The following EFHC2 variants were observed in gnomAD, a reference collection of about 807,000 sequenced individuals.
EFHC2 encodes the protein EF-hand domain containing 2.
Under a neutral mutation model 52.7 loss-of-function variants are expected in EFHC2, and 18 were observed. The ratio of observed to expected loss-of-function variants is 0.34; its 90% CI spans 0.24 to 0.51. The LOEUF is 0.51. EFHC2 is among the 20% of genes least tolerant of loss of function. The probability of loss-of-function intolerance (pLI) is 0.97; values close to 1 mark genes in which losing one functional copy is unlikely to be tolerated. For missense variants in EFHC2, 513 were observed against 562.5 expected (o/e 0.91, Z 0.89); for synonymous variants, 203 against 204.1 (o/e 0.99, Z 0.04).
At chrX:44,149,079 G>C (rs932547806) in intron 14 of EFHC2, among the ~76,000 whole-genome samples, 183 bp from the exon 15 acceptor site, 1 of 112,012 alleles carries the variant, frequency 8.9e-6, no homozygotes, top group Non-Finnish European at 1.9e-5. Context: ...AGAATTATGT[G>C]CCCACACTCT....
At chrX:44,259,646 TAAC>T (rs942869018) in intron 4 of EFHC2, among the ~76,000 whole-genome samples, 9 of 112,400 alleles carry the variant, frequency 8.0e-5, no homozygotes, top group Admixed American at 1.9e-4. Flanking sequence ...CACTATCATA[TAAC>T]AACAACTGTT....
intron 13 of EFHC2, among the ~76,000 whole-genome samples, chrX:44,168,432 T>C (rs1369625111): frequency 4.6e-5 from 5 of 109,292 alleles, no homozygotes; most frequent in Non-Finnish European, 7.6e-5. Flanking sequence ...CTCAGGAGGC[T>C]GAGGCAGGAG....
At chrX:44,160,553 AT>A in intron 14 of EFHC2, among the ~76,000 whole-genome samples, 1 of 111,894 alleles carries the variant, frequency 8.9e-6, no homozygotes, top group Non-Finnish European at 1.9e-5. Context: ...CATCAGGAAA[AT>A]AAAAATTAAA....
intron 2 of EFHC2, among the ~76,000 whole-genome samples, chrX:44,282,140 A>G (rs1353257399): frequency 9.0e-6 from 1 of 110,675 alleles, no homozygotes; most frequent in Non-Finnish European, 1.9e-5. Context: ...CATAGAAAAA[A>G]AAAGGTAGAA....
intron 2 of EFHC2, among the ~76,000 whole-genome samples, chrX:44,307,933 CAAAA>C (rs11305511): frequency 1.1e-5 from 1 of 92,681 alleles, no homozygotes; most frequent in Non-Finnish European, 2.1e-5. Flanking sequence ...GACTTTGTCT[CAAAA>C]AAAAAAAAAA....
chrX:44,183,772 A>G (rs969201249), intron 11 of EFHC2, among the ~76,000 whole-genome samples: 5 of 111,890 alleles, frequency 4.5e-5, no homozygotes, highest in Non-Finnish European at 9.4e-5. Context: ...TGGCCTCACA[A>G]GAGAGACCAA....
At chrX:44,208,820 C>A (rs1231655151) in intron 11 of EFHC2, among the ~76,000 whole-genome samples, 1 of 111,701 alleles carries the variant, frequency 9.0e-6, no homozygotes, top group Non-Finnish European at 1.9e-5. Context: ...TATATTTCAT[C>A]GTGACATATC....
chrX:44,169,411 G>A (rs761916118), intron 13 of EFHC2, among the ~76,000 whole-genome samples: 2 of 110,690 alleles, frequency 1.8e-5, no homozygotes, highest in African/African-American at 3.3e-5. Flanking sequence ...GGGTAACTGC[G>A]ACTACAGGTG....
intron 11 of EFHC2, among the ~76,000 whole-genome samples, chrX:44,193,349 G>A (rs909731850): frequency 3.9e-5 from 4 of 103,793 alleles, no homozygotes; most frequent in African/African-American, 1.1e-4. Flanking sequence ...AAACCAAGCT[G>A]TGCCCTGATC....
At chrX:44,275,636 G>A (rs2037650454) in intron 2 of EFHC2, among the ~76,000 whole-genome samples, 2 of 108,594 alleles carry the variant, frequency 1.8e-5, no homozygotes, top group South Asian at 8.3e-4. Context: ...GTCCTAGGCC[G>A]GGCATGATGG....
At chrX:44,198,300 C>T (rs1352898029) in intron 11 of EFHC2, among the ~76,000 whole-genome samples, 1 of 111,252 alleles carries the variant, frequency 9.0e-6, no homozygotes, top group African/African-American at 3.3e-5. Flanking sequence ...TCTAGCGTCC[C>T]ATAAAATTCA....
intron 2 of EFHC2, among the ~76,000 whole-genome samples, chrX:44,287,076 C>T (rs1423683532): frequency 3.9e-5 from 4 of 101,808 alleles, no homozygotes; most frequent in Non-Finnish European, 7.9e-5. Flanking sequence ...AAAAATAGGC[C>T]GGGCGCAGTG....
At chrX:44,168,259 G>A (rs188057709) in intron 13 of EFHC2, among the ~76,000 whole-genome samples, 194 of 112,256 alleles carry the variant, frequency 1.7e-3, no homozygotes, top group African/African-American at 6.0e-3. Context: ...GTGTCCGGGC[G>A]TGGTGGCTCA....
intron 1 of EFHC2, among the ~76,000 whole-genome samples, chrX:44,313,095 C>CAAAA (rs1276344069): frequency 4.4e-4 from 22 of 49,890 alleles, no homozygotes; most frequent in South Asian, 1.0e-3. Context: ...ATGCAAACAG[C>CAAAA]AAAAAAAAAA....
intron 11 of EFHC2, among the ~76,000 whole-genome samples, chrX:44,203,966 AC>A (rs1390885994): frequency 9.1e-6 from 1 of 110,182 alleles, no homozygotes; most frequent in Non-Finnish European, 1.9e-5. Context: ...ACACCAACCT[AC>A]CTACTGGCTG....
At chrX:44,260,046 TA>T (rs1001342890) in intron 4 of EFHC2, among the ~76,000 whole-genome samples, 4 of 111,676 alleles carry the variant, frequency 3.6e-5, no homozygotes, top group Admixed American at 9.5e-5. Flanking sequence ...AAATGAATCA[TA>T]AGTTTTAAAA....
chrX:44,310,279 C>G (rs2037937715), intron 2 of EFHC2: 9 of 863,341 alleles, frequency 1.0e-5, no homozygotes, highest in Non-Finnish European at 1.4e-5. Context: ...TCATCCTCCA[C>G]GCCGGGGGCA....
At position 44,148,768 on chromosome X, in the gene EFHC2, A is replaced by G. The variant is rs780135262; in HGVS notation, c.*27T>C. The stretch of plus-strand genomic sequence containing the variant: ...TGTGGCAAAATGAGAGAAGTAAATC[A>G]TAGAGAATTGACCAAAACTGGCATG... On this transcript the variant is annotated 3_prime_UTR_variant, in exon 15 of 15. Transcript: ENST00000420999. 3.6e-6 allele frequency: 4 copies of G among 1,115,264 alleles called. No individual in the cohort carries two copies. In the African/African-American group the frequency reaches 5.5e-5, roughly 15 times the overall value. The allele number at this position is 1,115,264 out of a possible 1,213,427, so 91.9% of individuals were successfully genotyped here.
intron 10 of EFHC2, among the ~76,000 whole-genome samples, chrX:44,231,916 A>G (rs1488622177): frequency 8.9e-6 from 1 of 111,816 alleles, no homozygotes; most frequent in Non-Finnish European, 1.9e-5. Flanking sequence ...ACTTGCAGTA[A>G]CAGTACCCAT....
Sources: allele counts gnomAD v4.1 joint callset (sites outside exome capture counted in the v4.1 genomes callset), GRCh38; gene constraint gnomAD v4.1.1; transcripts MANE v1.5; gene names NCBI Gene and HGNC (gene_info 2026-07-23, HGNC 2026-07-21).